Variants in JMJD1C observed in about 807,000 individuals in gnomAD.
JMJD1C encodes the protein jumonji domain containing 1C, also known as jumonji domain-containing protein 1C.
A neutral mutation model predicts 245.3 loss-of-function variants in JMJD1C; 31 were observed. The observed-to-expected ratio is 0.13, with a 90% confidence interval of 0.09 to 0.17. The LOEUF is 0.17. JMJD1C is among the 10% of genes least tolerant of loss of function. The pLI is 1.00. For missense variants in JMJD1C, 2,691 were observed against 3,000.2 expected (o/e 0.90, Z 2.41); for synonymous variants, 1,057 against 1,017.4 (o/e 1.04, Z -0.74).
intron 1 of JMJD1C, among the ~76,000 whole-genome samples, chr10:63,460,612 T>A (rs1431511250): frequency 6.6e-6 from 1 of 152,204 alleles, no homozygotes. Flanking sequence ...TCCATAAGCA[T>A]TTATGGACAC....
At chr10:63,377,896 TA>T (rs1423581413) in intron 2 of JMJD1C, among the ~76,000 whole-genome samples, 2 of 126,796 alleles carry the variant, frequency 1.6e-5, no homozygotes, top group Non-Finnish European at 3.3e-5. Context: ...AGATCTTGTC[TA>T]AATAAATAAA....
At chr10:63,204,045 T>C (rs1484469975) in intron 10 of JMJD1C, 4 of 930,136 alleles carry the variant, frequency 4.3e-6, no homozygotes, top group African/African-American at 1.8e-5. Context: ...AGCCCAGGAG[T>C]TGGAGGCTGC....
At position 63,197,414 on chromosome 10, in the gene JMJD1C, T is replaced by C; in HGVS notation, c.5641A>G (p.Arg1881Gly). 1 of 1,612,908 alleles carries C rather than the reference T, an allele frequency of 6.2e-7. No homozygotes were observed. Among genetic ancestry groups the C allele is most frequent in the Non-Finnish European group, 8.5e-7 (1 of 1,179,604 alleles). The change falls in exon 13 of 26, where the codon AGA (arginine) becomes GGA (glycine). Residue 1881 changes from arginine to glycine, a missense_variant. By Grantham distance (125) the Arg-to-Gly change is moderately radical. Transcript: ENST00000399262. ...CYKAKERKSSRDKELYAWMKC... is the reference protein window; with the variant it reads ...CYKAKERKSSGDKELYAWMKC... Reference sequence around the variant, plus strand: ...TTATATAAACTTATACACCAACCTCTAGAACTCTTCCTTTCCTTTGCCTTG... The same window carrying C: ...TTATATAAACTTATACACCAACCTCCAGAACTCTTCCTTTCCTTTGCCTTG...
At chr10:63,492,122 C>T (rs1954197674) in intron 1 of JMJD1C, among the ~76,000 whole-genome samples, 1 of 152,236 alleles carries the variant, frequency 6.6e-6, no homozygotes, top group African/African-American at 2.4e-5. Context: ...CACCCTCGAC[C>T]TCCTGGGCTC....
chr10:63,456,232 G>A (rs1317915557), intron 1 of JMJD1C, among the ~76,000 whole-genome samples: 1 of 152,064 alleles, frequency 6.6e-6, no homozygotes, highest in Non-Finnish European at 1.5e-5. Context: ...CTAGCGAACA[G>A]TGGAAACGCT....
chr10:63,226,615 T>A (rs1030275674), intron 3 of JMJD1C, among the ~76,000 whole-genome samples: 1 of 147,038 alleles, frequency 6.8e-6, no homozygotes, highest in African/African-American at 2.5e-5. Context: ...CTCGGGAGGC[T>A]GAGATGGGAG....
At chr10:63,269,005 G>A in intron 2 of JMJD1C, 1 of 985,320 alleles carries the variant, frequency 1.0e-6, no homozygotes, top group Non-Finnish European at 1.2e-6. Flanking sequence ...TCAGCACTGT[G>A]GTGTTAACGA....
intron 2 of JMJD1C, among the ~76,000 whole-genome samples, chr10:63,287,646 T>A (rs976782465): frequency 4.6e-5 from 7 of 152,226 alleles, no homozygotes; most frequent in Non-Finnish European, 1.0e-4. Flanking sequence ...GAGGATCTCA[T>A]CCTGAGTTTT....
intron 2 of JMJD1C, among the ~76,000 whole-genome samples, chr10:63,275,932 G>A (rs1364644940): frequency 2.6e-5 from 4 of 151,844 alleles, no homozygotes; most frequent in Admixed American, 6.6e-5. Flanking sequence ...TCATTTTAAC[G>A]ACTTAAAAAA....
intron 3 of JMJD1C, among the ~76,000 whole-genome samples, chr10:63,237,242 T>C (rs764310543): frequency 2.6e-5 from 4 of 152,160 alleles, no homozygotes; most frequent in Non-Finnish European, 4.4e-5. Context: ...TTCACCATGT[T>C]GCCCAGGCTG....
chr10:63,332,312 T>C (rs1446785821), intron 2 of JMJD1C, among the ~76,000 whole-genome samples: 2 of 152,238 alleles, frequency 1.3e-5, no homozygotes, highest in Non-Finnish European at 2.9e-5. Flanking sequence ...TCATGATTTC[T>C]AGGAATTCCC....
chr10:63,317,906 A>T (rs1328981479), intron 2 of JMJD1C, among the ~76,000 whole-genome samples: 1 of 152,094 alleles, frequency 6.6e-6, no homozygotes, highest in Admixed American at 6.5e-5. Flanking sequence ...ATGCAGTGGC[A>T]CGATCACGGC....
intron 1 of JMJD1C, among the ~76,000 whole-genome samples, chr10:63,452,249 A>C (rs1952117662): frequency 6.6e-6 from 1 of 152,232 alleles, no homozygotes; most frequent in Admixed American, 6.5e-5. Flanking sequence ...AAGCAAAACA[A>C]AACAAAACAT....
intron 2 of JMJD1C, among the ~76,000 whole-genome samples, chr10:63,302,577 A>G (rs542875932): frequency 2.6e-5 from 4 of 152,364 alleles, no homozygotes; most frequent in Non-Finnish European, 5.9e-5. Flanking sequence ...AGTGAAAGAC[A>G]CCTTTACAAC....
At chr10:63,233,759 A>G (rs1283785425) in intron 3 of JMJD1C, among the ~76,000 whole-genome samples, 2 of 5,060 alleles carry the variant, frequency 4.0e-4, no homozygotes, top group Admixed American at 7.4e-4. Context: ...ACGCGCGTGC[A>G]CACACACACA....
At chr10:63,449,849 T>C (rs10740125) in intron 1 of JMJD1C, among the ~76,000 whole-genome samples, 63,961 of 151,934 alleles carry the variant, frequency 0.42, 14,196 homozygotes, top group South Asian at 0.53. Flanking sequence ...GGTGTGACGG[T>C]TCTTGCCTGT....
At chr10:63,407,805 A>G (rs1949256906) in intron 1 of JMJD1C, among the ~76,000 whole-genome samples, 1 of 150,256 alleles carries the variant, frequency 6.7e-6, no homozygotes, top group African/African-American at 2.4e-5. Flanking sequence ...AAATACAACA[A>G]TCTGGAGAAA....
intron 1 of JMJD1C, among the ~76,000 whole-genome samples, chr10:63,416,752 A>G (rs936544817): frequency 1.3e-5 from 2 of 152,208 alleles, no homozygotes; most frequent in African/African-American, 4.8e-5. Flanking sequence ...TTATCACAGA[A>G]TTCACACATT....
intron 3 of JMJD1C, among the ~76,000 whole-genome samples, chr10:63,248,373 T>G (rs1330318394): frequency 7.0e-6 from 1 of 142,918 alleles, no homozygotes; most frequent in Non-Finnish European, 1.6e-5. Flanking sequence ...ATACAAAAAT[T>G]AGCTGGGCGT....
Sources: allele counts gnomAD v4.1 joint callset (sites outside exome capture counted in the v4.1 genomes callset), GRCh38; gene constraint gnomAD v4.1.1; transcripts MANE v1.5; gene names NCBI Gene and HGNC (gene_info 2026-07-23, HGNC 2026-07-21).